Variants in PARD3B observed in about 807,000 individuals in gnomAD.
The protein encoded by PARD3B is par-3 family cell polarity regulator beta.
A neutral mutation model predicts 130.2 loss-of-function variants in PARD3B; 103 were observed. The observed-to-expected ratio is 0.79, with a 90% confidence interval of 0.67 to 0.93. The LOEUF is 0.93. PARD3B is among the 40% of genes least tolerant of loss of function. The pLI is 0.00. For synonymous variants in PARD3B, 583 were observed against 553.2 expected, an observed-to-expected ratio of 1.05 and a Z score of -0.76; for missense variants, 1,609 against 1,499.2, an observed-to-expected ratio of 1.07 and a Z score of -1.21.
At chr2:204,813,618 A>C (rs1370898657) in intron 2 of PARD3B, among the ~76,000 whole-genome samples, 1 of 152,168 alleles carries the variant, frequency 6.6e-6, no homozygotes, top group East Asian at 1.9e-4. Flanking sequence ...TTTTCTACTA[A>C]ATTTTCTTTT....
At chr2:204,743,166 T>C (rs997979472) in intron 2 of PARD3B, among the ~76,000 whole-genome samples, 3 of 152,214 alleles carry the variant, frequency 2.0e-5, no homozygotes, top group Admixed American at 2.0e-4. Flanking sequence ...ACTTACTAAA[T>C]GTTGGTTAAA....
intron 1 of PARD3B, among the ~76,000 whole-genome samples, chr2:204,553,575 T>G (rs1397698008): frequency 2.6e-5 from 3 of 117,620 alleles, no homozygotes; most frequent in South Asian, 2.9e-4. Context: ...TATATATATG[T>G]ATATATAAGG....
intron 2 of PARD3B, among the ~76,000 whole-genome samples, chr2:204,788,743 A>T (rs1483607043): frequency 6.6e-6 from 1 of 151,982 alleles, no homozygotes; most frequent in Non-Finnish European, 1.5e-5. Flanking sequence ...ATTGCAAATT[A>T]GGAAGGAAAA....
At chr2:205,521,850 G>GTAAC (rs1208785435) in intron 21 of PARD3B, among the ~76,000 whole-genome samples, 1 of 151,920 alleles carries the variant, frequency 6.6e-6, no homozygotes, top group Non-Finnish European at 1.5e-5. Context: ...TCTATGCTTT[G>GTAAC]TAACAATGTC....
intron 22 of PARD3B, among the ~76,000 whole-genome samples, chr2:205,599,308 A>G (rs76824687): frequency 0.016 from 2,429 of 152,286 alleles, 60 homozygotes; most frequent in African/African-American, 0.055. Flanking sequence ...GCTCTTACCA[A>G]TTAGGTTATC....
Position 205,572,873 on chromosome 2 carries a change from A to T in PARD3B, c.3260+19470A>T, listed in dbSNP as rs2053608684. The stretch of plus-strand genomic sequence containing the variant: ...TAAGTGGGTGTATTAGTCCATTTTC[A>T]TGCTGCTAATAAAATAATACCCAAG... On this transcript the variant is annotated intron_variant, in intron 22 of 22. Coordinates refer to ENST00000406610, the MANE Select transcript of PARD3B (RefSeq NM_001302769.2). This position sits in a 1 kb window ranked among gnomAD's most constrained non-coding sequence, Gnocchi z 4.2. Among the ~76,000 whole-genome samples, 1 of 152,202 alleles carries T rather than the reference A, an allele frequency of 6.6e-6. No individual in the cohort carries two copies. The highest frequency in any genetic ancestry group is 6.5e-5 in the Admixed American group (1 of 15,274).
chr2:205,505,314 A>G (rs1031111417), intron 21 of PARD3B, among the ~76,000 whole-genome samples: 12 of 152,196 alleles, frequency 7.9e-5, no homozygotes, highest in South Asian at 2.1e-4. Context: ...TGGGTGCAGC[A>G]CACGAACATG....
intron 3 of PARD3B, among the ~76,000 whole-genome samples, chr2:204,997,668 T>C (rs1290566348): frequency 6.6e-6 from 1 of 152,114 alleles, no homozygotes; most frequent in African/African-American, 2.4e-5. Flanking sequence ...TATGATTGAC[T>C]ATTCTTTTCA....
intron 2 of PARD3B, among the ~76,000 whole-genome samples, chr2:204,750,567 AAG>A (rs2040420128): frequency 6.6e-6 from 1 of 152,040 alleles, no homozygotes; most frequent in African/African-American, 2.4e-5. Context: ...GCCTTGGTGA[AAG>A]AGTGAAACGC....
intron 21 of PARD3B, among the ~76,000 whole-genome samples, chr2:205,549,694 A>G (rs2052532265): frequency 6.6e-6 from 1 of 152,222 alleles, no homozygotes; most frequent in South Asian, 2.1e-4. Flanking sequence ...TGTATGGTAC[A>G]GAAATGATGA....
At chr2:204,682,152 C>T (rs1454489377) in intron 1 of PARD3B, among the ~76,000 whole-genome samples, 1 of 152,082 alleles carries the variant, frequency 6.6e-6, no homozygotes, top group Non-Finnish European at 1.5e-5. Context: ...ACCCGAGGCC[C>T]AGAATAATGG....
At position 205,434,668 on chromosome 2, in the gene PARD3B, G is replaced by A. The variant is rs1160243983; in HGVS notation, c.2742-5702G>A. 3.9e-5 allele frequency among the ~76,000 whole-genome samples: 6 copies of A among 152,102 alleles called. No individual in the cohort carries two copies. In the East Asian group the frequency reaches 1.2e-3, roughly 29 times the overall value. ...CTAGAGTTAAATATTTGATTAATGG[G>A]ACATGAGTAATATTAGGAAAAGCAG... On this transcript the variant is annotated intron_variant, in intron 19 of 22. Transcript: ENST00000406610.
chr2:204,593,153 C>T (rs1279055917), intron 1 of PARD3B, among the ~76,000 whole-genome samples: 3 of 86,588 alleles, frequency 3.5e-5, no homozygotes, highest in Non-Finnish European at 1.0e-4. Context: ...CATCTATGTA[C>T]GTTTCATGTA....
At chr2:205,556,271 C>G (rs1487269753) in intron 22 of PARD3B, among the ~76,000 whole-genome samples, 2 of 152,140 alleles carry the variant, frequency 1.3e-5, no homozygotes, top group Non-Finnish European at 2.9e-5. Flanking sequence ...TGATTGGGTT[C>G]CTATGTTGTT....
chr2:204,923,070 A>G (rs6738299), intron 2 of PARD3B, among the ~76,000 whole-genome samples: 35,449 of 152,024 alleles, frequency 0.23, 4,592 homozygotes, highest in Non-Finnish European at 0.29. Flanking sequence ...CTTTGTGTTT[A>G]TGTGTGACTC....
rs1461566032 is a variant in PARD3B at position 205,258,981 on chromosome 2, G to A, written c.2185+13159G>A. Among the ~76,000 whole-genome samples the A allele has an allele frequency of 6.6e-6, 1 of 151,916 alleles. No homozygotes were observed. The highest frequency in any genetic ancestry group is 1.5e-5 in the Non-Finnish European group (1 of 67,980). On this transcript the variant is annotated intron_variant, in intron 16 of 22. Transcript: ENST00000406610. This position sits in a 1 kb window ranked among gnomAD's most constrained non-coding sequence, Gnocchi z 4.9. The stretch of plus-strand genomic sequence containing the variant: ...AAATTATACACTGCATTTTTGGCAT[G>A]CATACCTAACAAAATCTAAAATTAG...
chr2:204,548,286 G>C (rs2030158526), intron 1 of PARD3B, among the ~76,000 whole-genome samples: 1 of 152,104 alleles, frequency 6.6e-6, no homozygotes, highest in Non-Finnish European at 1.5e-5. Context: ...TTCACTTTCT[G>C]TAAATCAGTG....
In PARD3B at chr2:204,602,057, T is replaced by C. The variant is rs1201111542; in HGVS notation, c.120+55938T>C. 3.3e-5 allele frequency among the ~76,000 whole-genome samples: 5 copies of C among 152,002 alleles called. No homozygotes were observed. In the South Asian group the frequency reaches 6.2e-4, roughly 19 times the overall value. On this transcript the variant is annotated intron_variant, in intron 1 of 22. Coordinates refer to ENST00000406610, the MANE Select transcript of PARD3B (RefSeq NM_001302769.2). ...TCATTACAGGGAGTTATTTCTCATC[T>C]AGGGTAGATAGCCCCATCTTGAAGA...
At chr2:205,610,014 G>C (rs1421811313) in intron 22 of PARD3B, among the ~76,000 whole-genome samples, 1 of 152,202 alleles carries the variant, frequency 6.6e-6, no homozygotes, top group Non-Finnish European at 1.5e-5. Flanking sequence ...AATTATAGCA[G>C]ACTCAAGTTT....
Sources: allele counts gnomAD v4.1 joint callset (sites outside exome capture counted in the v4.1 genomes callset), GRCh38; gene constraint gnomAD v4.1.1; non-coding constraint Gnocchi (gnomAD v3.1); transcripts MANE v1.5; gene names NCBI Gene and HGNC (gene_info 2026-07-23, HGNC 2026-07-21).